The following FYB1 variants were observed in gnomAD, a reference collection of about 807,000 sequenced individuals.
The protein encoded by FYB1 is FYN-binding protein 1.
In FYB1, 41 loss-of-function variants were observed where a neutral mutation model predicts 94.1. The observed-to-expected ratio is 0.44, with a 90% confidence interval of 0.34 to 0.57. The LOEUF (loss-of-function observed/expected upper bound fraction) is 0.57, where lower values mean the gene tolerates loss of function less well. Among genes scored for constraint, FYB1 ranks in the 20% least tolerant of loss-of-function variants. The pLI is 0.02. For missense variants in FYB1, 1,050 were observed against 976.8 expected (o/e 1.07, Z -1.00); for synonymous variants, 367 against 353.2 (o/e 1.04, Z -0.44).
chr5:39,266,046 A>G (rs1390654987), intron 1 of FYB1, among the ~76,000 whole-genome samples: 1 of 152,080 alleles, frequency 6.6e-6, no homozygotes, highest in Non-Finnish European at 1.5e-5. Context: ...CATGACTAGA[A>G]CATCTATTTC....
chr5:39,124,111 A>C (rs1740393690), intron 13 of FYB1, 142 bp downstream of exon 13: 1 of 619,716 alleles, frequency 1.6e-6, no homozygotes, highest in African/African-American at 2.0e-5. Flanking sequence ...TGACCACCCA[A>C]GGTAAAGTTA....
intron 1 of FYB1, among the ~76,000 whole-genome samples, chr5:39,224,946 A>G (rs1750410206): frequency 6.6e-6 from 1 of 152,184 alleles, no homozygotes; most frequent in Non-Finnish European, 1.5e-5. Flanking sequence ...CATTTATATT[A>G]CGGAAAGTTA....
intron 2 of FYB1, 36 bp from the exon 3 acceptor site, chr5:39,153,640 C>G (rs1015541719): frequency 6.5e-7 from 1 of 1,549,892 alleles, no homozygotes; most frequent in Non-Finnish European, 8.7e-7. Flanking sequence ...TGAATTAAGA[C>G]AAATCTTCAA....
chr5:39,195,743 A>G (rs1478425453), intron 2 of FYB1, among the ~76,000 whole-genome samples: 1 of 152,232 alleles, frequency 6.6e-6, no homozygotes, highest in East Asian at 1.9e-4. Flanking sequence ...ACTAAATCAT[A>G]CATGCAAACC....
intron 16 of FYB1, among the ~76,000 whole-genome samples, chr5:39,117,110 A>T (rs1334002281): frequency 6.6e-6 from 1 of 152,160 alleles, no homozygotes; most frequent in Non-Finnish European, 1.5e-5. Context: ...TGGAAAGTAG[A>T]GGGCAGAAAA....
At position 39,134,945 on chromosome 5, in the gene FYB1, G is replaced by A. The variant is rs1561155470; in HGVS notation, c.1585C>T (p.Leu529=). The change falls in exon 8 of 19, where the codon CTG becomes TTG. Residue 529 remains leucine, a synonymous_variant. Transcript: ENST00000512982. Reference sequence around the variant, plus strand: ...ATTTGCTCTCCTTGCTTGAAGCTCAGTTCATTCTTTCCTCCTTTGACATCA... The same window carrying A: ...ATTTGCTCTCCTTGCTTGAAGCTCAATTCATTCTTTCCTCCTTTGACATCA... ...CCDVKGGKNE[L]SFKQGEQIEI... is the part of the protein sequence containing the mutation. The A allele has an allele frequency of 6.2e-7, 1 of 1,613,860 alleles. No individual in the cohort carries two copies.
At chr5:39,200,569 T>C (rs1431818558) in intron 2 of FYB1, among the ~76,000 whole-genome samples, 1 of 152,164 alleles carries the variant, frequency 6.6e-6, no homozygotes, top group Non-Finnish European at 1.5e-5. Context: ...TGAAACAAGA[T>C]GACAGATGAG....
rs114146567 is a variant in FYB1, at chr5:39,237,555, A to G, written c.-27-34568T>C. On this transcript the variant is annotated intron_variant, in intron 1 of 1. Coordinates refer to the FYB1 transcript ENST00000510188. ...TATCATCATTTCTTGCATAGGCTATAATATAAAAATTTCTGATAATCACTG... is the reference window on the plus strand; with the variant it reads ...TATCATCATTTCTTGCATAGGCTATGATATAAAAATTTCTGATAATCACTG... Among the ~76,000 whole-genome samples the G allele has an allele frequency of 7.8e-3, 1,194 of 152,164 alleles. 26 individuals are homozygous for G. The highest frequency in any genetic ancestry group is 0.027 in the African/African-American group (1,109 of 41,532).
intron 1 of FYB1, among the ~76,000 whole-genome samples, chr5:39,209,836 C>T (rs575463154): frequency 1.3e-5 from 2 of 152,302 alleles, no homozygotes; most frequent in East Asian, 3.9e-4. Flanking sequence ...TTAAATTTCA[C>T]CTTGATTGGT....
Position 39,229,307 on chromosome 5 carries a change from C to T in FYB1, c.-27-26320G>A, listed in dbSNP as rs116068419. ...AAGTGCAGACAACAAGCTGCTTGCACGAAATACGAAGCTAATTTGTTCTAT... is the reference window on the plus strand; with the variant it reads ...AAGTGCAGACAACAAGCTGCTTGCATGAAATACGAAGCTAATTTGTTCTAT... On this transcript the variant is annotated intron_variant, in intron 1 of 1. Transcript: ENST00000510188. Among the ~76,000 whole-genome samples the T allele has an allele frequency of 6.6e-3, 1,000 of 152,198 alleles. 14 individuals are homozygous for T. Among genetic ancestry groups the T allele is most frequent in the African/African-American group, 0.023 (939 of 41,530 alleles).
chr5:39,215,655 C>A (rs1393422053), intron 1 of FYB1, among the ~76,000 whole-genome samples: 1 of 152,176 alleles, frequency 6.6e-6, no homozygotes, highest in African/African-American at 2.4e-5. Context: ...TCACATTTTT[C>A]TTGATCAATT....
intron 1 of FYB1, among the ~76,000 whole-genome samples, chr5:39,251,949 C>A (rs956842812): frequency 2.6e-5 from 4 of 152,026 alleles, no homozygotes; most frequent in African/African-American, 9.7e-5. Context: ...TCAAGACCAT[C>A]CTGGCTAACA....
intron 17 of FYB1, 44 bp downstream of exon 17, chr5:39,110,312 A>C: frequency 7.5e-7 from 1 of 1,333,238 alleles, no homozygotes; most frequent in Non-Finnish European, 1.0e-6. Flanking sequence ...AGAAAGGCAC[A>C]AAATTCTTTT....
chr5:39,151,314 G>A (rs963335953), intron 3 of FYB1, among the ~76,000 whole-genome samples: 8 of 152,160 alleles, frequency 5.3e-5, no homozygotes, highest in African/African-American at 7.2e-5. Context: ...TTTTGAGATA[G>A]GGTCTTGCTC....
chr5:39,131,673 A>G (rs998912503), intron 9 of FYB1, among the ~76,000 whole-genome samples: 3 of 152,192 alleles, frequency 2.0e-5, no homozygotes, highest in African/African-American at 7.2e-5. Context: ...TTGCTTATGT[A>G]CCATTTTGAC....
intron 1 of FYB1, among the ~76,000 whole-genome samples, chr5:39,263,005 T>C (rs541702600): frequency 6.6e-6 from 1 of 152,282 alleles, no homozygotes; most frequent in East Asian, 1.9e-4. Context: ...AATTTTCTCT[T>C]TTTTAGTTTT....
chr5:39,273,458 T>C (rs1421702673), intron 1 of FYB1, among the ~76,000 whole-genome samples: 1 of 152,162 alleles, frequency 6.6e-6, no homozygotes, highest in Non-Finnish European at 1.5e-5. Context: ...ATATCTCCTG[T>C]GAAGCCAGAG....
chr5:39,266,719 A>G (rs778353614), intron 1 of FYB1, among the ~76,000 whole-genome samples: 4 of 152,180 alleles, frequency 2.6e-5, no homozygotes, highest in Non-Finnish European at 5.9e-5. Context: ...GGGATAAAGA[A>G]CCACAAAGCC....
intron 3 of FYB1, among the ~76,000 whole-genome samples, chr5:39,152,823 G>GA (rs1743363106): frequency 6.6e-6 from 1 of 152,356 alleles, no homozygotes; most frequent in African/African-American, 2.4e-5. Context: ...ATGGATGAGA[G>GA]AAAATCTGTA....
Sources: gnomAD v4.1 joint callset for allele counts (sites outside exome capture counted in the v4.1 genomes callset) on GRCh38, gnomAD v4.1.1 for gene constraint, MANE v1.5 for transcripts, NCBI Gene and HGNC (gene_info 2026-07-23, HGNC 2026-07-21) for gene names.